ME1: variants seen among roughly 807,000 people sequenced by gnomAD.
The protein encoded by ME1 is NADP-dependent malic enzyme.
In ME1, 74 loss-of-function variants were observed where a neutral mutation model predicts 66.4. That is an observed-to-expected ratio of 1.11 (90% CI 0.92 to 1.35). The LOEUF is 1.35. Among genes scored for constraint, ME1 ranks in the 40% most tolerant of loss-of-function variants. ME1 has a pLI of 0.00. For missense variants in ME1, 750 were observed against 694.1 expected, an observed-to-expected ratio of 1.08 and a Z score of -0.90; for synonymous variants, 251 against 235.6, an observed-to-expected ratio of 1.07 and a Z score of -0.60.
chr6:83,313,802 G>A (rs1345712097), intron 6 of ME1, among the ~76,000 whole-genome samples: 2 of 152,012 alleles, frequency 1.3e-5, no homozygotes, highest in Admixed American at 1.3e-4. Flanking sequence ...CTATAAATAA[G>A]TATAGTTCAA....
chr6:83,254,286 G>A (rs2128528347), intron 6 of ME1, among the ~76,000 whole-genome samples: 1 of 152,296 alleles, frequency 6.6e-6, no homozygotes, highest in South Asian at 2.1e-4. Context: ...ATGTAAGGGT[G>A]TAGTGAAAGA....
At position 83,334,280 on chromosome 6, in the gene ME1, C is replaced by T. The variant is rs1354024334; in HGVS notation, c.600+11893G>A. On this transcript the variant is annotated intron_variant, in intron 5 of 13. Coordinates refer to ENST00000369705, the MANE Select transcript of ME1 (RefSeq NM_002395.6). ...GACCGGCTTAAGAAACGGCGCACCA[C>T]GAGACTATATCCCACACCTGGCTCA... Among the ~76,000 whole-genome samples the T allele has an allele frequency of 2.2e-3, 301 of 134,978 alleles. 3 individuals carry two copies. The highest frequency in any genetic ancestry group is 8.0e-3 in the African/African-American group (283 of 35,568). 88.6% of individuals were successfully genotyped at this position (134,978 alleles called of 152,430 possible).
chr6:83,265,802 A>G (rs1766978006), intron 6 of ME1, among the ~76,000 whole-genome samples: 2 of 152,166 alleles, frequency 1.3e-5, no homozygotes, highest in Admixed American at 6.6e-5. Flanking sequence ...CTGCTCAACT[A>G]CTTTCAACTA....
rs541974580 is a variant in ME1 at position 83,224,021 on chromosome 6, A to T, written c.1276-88T>A. 8.4e-5 allele frequency: 95 copies of T among 1,136,818 alleles called. 1 individual carries two copies. The South Asian group carries it at 1.4e-3, about 17-fold the overall frequency. 70.4% of individuals were successfully genotyped at this position (1,136,818 alleles called of 1,614,324 possible). On this transcript the variant is annotated intron_variant, in intron 11 of 13. Coordinates refer to ENST00000369705, the MANE Select transcript of ME1 (RefSeq NM_002395.6). ...CATAACAGAACTACCCCACAGCCTAAATTATAAGTACTTAGAAAGAAGTCT... is the reference window on the plus strand; with the variant it reads ...CATAACAGAACTACCCCACAGCCTATATTATAAGTACTTAGAAAGAAGTCT...
At chr6:83,366,379 T>C (rs1769100852) in intron 3 of ME1, among the ~76,000 whole-genome samples, 1 of 152,180 alleles carries the variant, frequency 6.6e-6, no homozygotes, top group African/African-American at 2.4e-5. Flanking sequence ...GCTGTCTTTC[T>C]CTACTATGAT....
intron 4 of ME1, among the ~76,000 whole-genome samples, chr6:83,348,602 AT>A (rs1461149933): frequency 1.3e-5 from 2 of 152,066 alleles, no homozygotes; most frequent in African/African-American, 4.8e-5. Flanking sequence ...TGGTTTCAAA[AT>A]TCTGAAGGGA....
intron 7 of ME1, among the ~76,000 whole-genome samples, chr6:83,249,689 TC>T (rs1790688216): frequency 6.6e-6 from 1 of 152,172 alleles, no homozygotes; most frequent in Non-Finnish European, 1.5e-5. Flanking sequence ...TTATTCCACT[TC>T]GACTGACTTC....
chr6:83,422,455 C>A (rs1770286685), intron 1 of ME1, among the ~76,000 whole-genome samples: 1 of 152,120 alleles, frequency 6.6e-6, no homozygotes, highest in African/African-American at 2.4e-5. Context: ...AAAAATCACT[C>A]AACATAGAAA....
chr6:83,249,090 G>A (rs1459795714), intron 7 of ME1, among the ~76,000 whole-genome samples: 1 of 151,950 alleles, frequency 6.6e-6, no homozygotes, highest in Non-Finnish European at 1.5e-5. Context: ...ACATCACAAA[G>A]AATTTGGGGA....
intron 7 of ME1, among the ~76,000 whole-genome samples, chr6:83,251,595 C>T (rs1190164016): frequency 1.3e-5 from 2 of 152,004 alleles, no homozygotes; most frequent in African/African-American, 2.4e-5. Flanking sequence ...GACCCAGACC[C>T]AGAAATTCAG....
chr6:83,227,573 T>G, intron 10 of ME1, 96 bp from the exon 11 acceptor site: 2 of 1,064,124 alleles, frequency 1.9e-6, no homozygotes, highest in Non-Finnish European at 2.6e-6. Flanking sequence ...TCAGCTCATT[T>G]TCTAATAGAC....
chr6:83,217,656 A>G (rs1294431239), intron 12 of ME1, among the ~76,000 whole-genome samples: 1 of 152,174 alleles, frequency 6.6e-6, no homozygotes, highest in Non-Finnish European at 1.5e-5. Flanking sequence ...GGAAGGCCTT[A>G]TAGTGCACAG....
At chr6:83,299,529 G>A (rs1237925126) in intron 6 of ME1, among the ~76,000 whole-genome samples, 1 of 152,014 alleles carries the variant, frequency 6.6e-6, no homozygotes, top group African/African-American at 2.4e-5. Context: ...CTAGGTATAG[G>A]ATTACGTTGT....
At position 83,372,977 on chromosome 6, in the gene ME1, T is replaced by C. The variant is rs76598803; in HGVS notation, c.363-20838A>G. ...GTGATGTTGAATGTTTTAACATAAA[T>C]AGAATACTTTCCAAAACTACTAAAT... On this transcript the variant is annotated intron_variant, in intron 3 of 13. Transcript: ENST00000369705. Among the ~76,000 whole-genome samples the C allele has an allele frequency of 2.0e-4, 30 of 152,280 alleles. No individual in the cohort carries two copies. In the East Asian group the frequency reaches 4.4e-3, roughly 22 times the overall value.
chr6:83,308,663 T>C (rs1767873455), intron 6 of ME1, among the ~76,000 whole-genome samples: 1 of 151,088 alleles, frequency 6.6e-6, no homozygotes, highest in African/African-American at 2.4e-5. Flanking sequence ...AACAAATATT[T>C]ATTGAGTACT....
intron 5 of ME1, among the ~76,000 whole-genome samples, chr6:83,333,427 G>A (rs1277284352): frequency 6.6e-6 from 1 of 152,082 alleles, no homozygotes; most frequent in Admixed American, 6.5e-5. Context: ...TCTCAGTAAA[G>A]CAGCAGTGAA....
Position 83,414,111 on chromosome 6 carries a change from G to GAA in ME1, c.79-6212_79-6211dup, listed in dbSNP as rs758493692. Among the ~76,000 whole-genome samples the GAA allele has an allele frequency of 2.8e-3, 184 of 66,412 alleles. 1 individual carries two copies. Among genetic ancestry groups the GAA allele is most frequent in the African/African-American group, 6.9e-3 (135 of 19,596 alleles). 43.6% of individuals were successfully genotyped at this position (66,412 alleles called of 152,430 possible). A position where few individuals can be genotyped will look rare whatever the true frequency, so the allele number is the denominator to read the frequency against. On this transcript the variant is annotated intron_variant, in intron 1 of 13. Transcript: ENST00000369705. ...GGGTGACAGAGCAAGACCCCATCTT[G>GAA]AAAAAAAAAAAAAAAAAAAACTAAA...
chr6:83,388,831 G>A (rs566759088), intron 3 of ME1, among the ~76,000 whole-genome samples: 1 of 152,186 alleles, frequency 6.6e-6, no homozygotes, highest in South Asian at 2.1e-4. Context: ...CCTGTATAAG[G>A]ATGAGTGAAT....
intron 5 of ME1, among the ~76,000 whole-genome samples, chr6:83,317,913 T>G (rs1339767946): frequency 6.6e-6 from 1 of 152,026 alleles, no homozygotes; most frequent in Non-Finnish European, 1.5e-5. Flanking sequence ...ACTACAAGGC[T>G]ACAGTAACCA....
Sources: allele counts gnomAD v4.1 joint callset (sites outside exome capture counted in the v4.1 genomes callset), GRCh38; gene constraint gnomAD v4.1.1; transcripts MANE v1.5; gene names NCBI Gene and HGNC (gene_info 2026-07-23, HGNC 2026-07-21).